CUX2: variants seen among roughly 807,000 people sequenced by gnomAD.
The protein encoded by CUX2 is cut like homeobox 2.
CUX2 carries 40 observed loss-of-function variants against 144.8 expected under a neutral mutation model. That is an observed-to-expected ratio of 0.28 (90% CI 0.21 to 0.36). CUX2 has a LOEUF of 0.36. Among genes scored for constraint, CUX2 ranks in the 10% least tolerant of loss-of-function variants. The pLI, the probability that CUX2 is intolerant of heterozygous loss-of-function variation, is 1.00. For missense variants in CUX2, 1,615 were observed against 1,994.0 expected (o/e 0.81, Z 3.62); for synonymous variants, 827 against 875.6 (o/e 0.94, Z 0.98).
In CUX2 at chr12:111,307,514, A is replaced by AC. The variant is rs1322226906; in HGVS notation, c.1109+261dup. Among the ~76,000 whole-genome samples, 2 of 151,658 alleles carry AC rather than the reference A, an allele frequency of 1.3e-5. No homozygotes were observed. The highest frequency in any genetic ancestry group is 2.9e-5 in the Non-Finnish European group (2 of 67,934). ...GACCAGCCTGGGCAACAATGGGGAG[A>AC]CCCCATCTCTGTGAGAAAAAAACAA... On this transcript the variant is annotated intron_variant, in intron 12 of 21. Transcript: ENST00000261726. The surrounding 1 kb of genome is among the most constrained non-coding windows in gnomAD (Gnocchi z 4.1).
chr12:111,276,766 G>A (rs1884896710), intron 4 of CUX2, among the ~76,000 whole-genome samples: 2 of 152,264 alleles, frequency 1.3e-5, no homozygotes, highest in East Asian at 1.9e-4. Flanking sequence ...TTCTGCCTCA[G>A]CCTCCCGAGT....
rs147021006 is a variant in CUX2 at position 111,251,644 on chromosome 12, G to A, written c.223-12117G>A. Among the ~76,000 whole-genome samples the A allele has an allele frequency of 3.6e-3, 550 of 152,212 alleles. 3 individuals carry two copies. Among genetic ancestry groups the A allele is most frequent in the South Asian group, 0.017 (80 of 4,818 alleles). ...TTGGATCAAAAGTGTTCTTAATGCC[G>A]ACATTTGAAAACACTTTGCTCTGTG... On this transcript the variant is annotated intron_variant, in intron 3 of 21. Transcript: ENST00000261726.
rs1176753212 is a variant in CUX2 at position 111,061,905 on chromosome 12, T to G, written c.63+27665T>G. The stretch of plus-strand genomic sequence containing the variant: ...GTCAGGCACAGTCAAGTTCAAATTC[T>G]GCCCCTGCCAATAAGACTTCAGCGC... On this transcript the variant is annotated intron_variant, in intron 1 of 21. Transcript: ENST00000261726. The surrounding 1 kb of genome is among the most constrained non-coding windows in gnomAD (Gnocchi z 4.2). 1.3e-5 allele frequency among the ~76,000 whole-genome samples: 2 copies of G among 152,226 alleles called. No individual in the cohort carries two copies. The highest frequency in any genetic ancestry group is 2.9e-5 in the Non-Finnish European group (2 of 68,042).
intron 1 of CUX2, among the ~76,000 whole-genome samples, chr12:111,070,550 A>G (rs886123592): frequency 6.6e-6 from 1 of 151,814 alleles, no homozygotes; most frequent in Non-Finnish European, 1.5e-5. Flanking sequence ...AGCCTCCCCC[A>G]TTATCAGCAT....
chr12:111,235,864 C>T (rs1477321242), intron 3 of CUX2, among the ~76,000 whole-genome samples: 3 of 152,068 alleles, frequency 2.0e-5, no homozygotes, highest in Admixed American at 6.6e-5. Context: ...GGGTCTGGGG[C>T]TCAGGTTTTG....
At chr12:111,316,672 A>C (rs1887212317) in intron 16 of CUX2, among the ~76,000 whole-genome samples, 1 of 151,260 alleles carries the variant, frequency 6.6e-6, no homozygotes, top group Admixed American at 6.6e-5. Context: ...CTGGTTTCAA[A>C]TTCCTGAGGT....
intron 1 of CUX2, among the ~76,000 whole-genome samples, chr12:111,122,787 T>C (rs1874770866): frequency 6.6e-6 from 1 of 152,144 alleles, no homozygotes; most frequent in Non-Finnish European, 1.5e-5. Context: ...GCTGCAGATA[T>C]TTGATATGGG....
At chr12:111,297,637 C>CT (rs1352833611) in intron 8 of CUX2, among the ~76,000 whole-genome samples, 2 of 152,234 alleles carry the variant, frequency 1.3e-5, no homozygotes, top group African/African-American at 4.8e-5. Context: ...TTTCTTTAGG[C>CT]TTTAAGAAAT....
At chr12:111,286,272 C>G (rs1399636147) in intron 4 of CUX2, among the ~76,000 whole-genome samples, 2 of 152,230 alleles carry the variant, frequency 1.3e-5, no homozygotes, top group Admixed American at 6.5e-5. Context: ...CAGTTCTCTG[C>G]ACACCTTCTC....
chr12:111,058,259 T>C (rs1870614958), intron 1 of CUX2, among the ~76,000 whole-genome samples: 1 of 152,220 alleles, frequency 6.6e-6, no homozygotes. Context: ...AATTGCCCTG[T>C]AGGGATTGGC....
At chr12:111,274,570 C>T (rs542965041) in intron 4 of CUX2, among the ~76,000 whole-genome samples, 3 of 152,188 alleles carry the variant, frequency 2.0e-5, no homozygotes, top group Admixed American at 6.5e-5. Flanking sequence ...AGGAACCCCC[C>T]GCCAGCCCCA....
In CUX2 at chr12:111,293,269, GAAATGAC is replaced by G. The variant is rs1885791017; in HGVS notation, c.437-176_437-170del. On this transcript the variant is annotated intron_variant, in intron 5 of 21. Coordinates refer to ENST00000261726, the MANE Select transcript of CUX2 (RefSeq NM_015267.4). This position sits in a 1 kb window ranked among gnomAD's most constrained non-coding sequence, Gnocchi z 4.5. ...GTGTGCTGACGCTGGTGCCACAGTGGAAATGACCTGTGTGCTGAGGACATGCGGCCCG... is the reference window on the plus strand; with the variant it reads ...GTGTGCTGACGCTGGTGCCACAGTGGCTGTGTGCTGAGGACATGCGGCCCG... Among the ~76,000 whole-genome samples the G allele has an allele frequency of 6.6e-6, 1 of 152,282 alleles. No homozygotes were observed. Among genetic ancestry groups the G allele is most frequent in the African/African-American group, 2.4e-5 (1 of 41,478 alleles).
At position 111,341,809 on chromosome 12, in the gene CUX2, A is replaced by G. The variant is rs765127584; in HGVS notation, c.3415A>G (p.Ser1139Gly). The G allele has an allele frequency of 6.2e-7, 1 of 1,609,924 alleles. No individual in the cohort carries two copies. The highest frequency in any genetic ancestry group is 1.1e-5 in the South Asian group (1 of 90,874). The change falls in exon 21 of 22, where the codon AGC (serine) becomes GGC (glycine). Residue 1139 changes from serine (S) to glycine (G), a missense_variant. Around this residue, in one of 12 missense-constraint regions of CUX2, gnomAD observed 131 missense variants for 223.1 expected, o/e 0.59. Coordinates refer to ENST00000261726, the MANE Select transcript of CUX2 (RefSeq NM_015267.4). ...CCTGAAACGTCGCTATGGCCTCATC[A>G]GCACCGGCTCAGACAGTGAGTCCCC... ...AYLKRRYGLI[S>G]TGSDSESPAT...
chr12:111,318,158 C>T (rs1213754279), intron 16 of CUX2, among the ~76,000 whole-genome samples: 1 of 151,568 alleles, frequency 6.6e-6, no homozygotes, highest in African/African-American at 2.4e-5. Flanking sequence ...ACTGCCACCT[C>T]GACCTCCCAG....
At chr12:111,227,101 C>T (rs1480919948) in intron 3 of CUX2, among the ~76,000 whole-genome samples, 1 of 152,154 alleles carries the variant, frequency 6.6e-6, no homozygotes, top group East Asian at 1.9e-4. Flanking sequence ...TGCAGTCCTG[C>T]ATTTATCTGG....
rs959366849 is a variant in CUX2 at position 111,171,567 on chromosome 12, T to C, written c.64-42633T>C. ...CGCAGATGGCTAGTGGCTCAGTGGG[T>C]CTCCGGAGCACAGCCACCTGACACA... On this transcript the variant is annotated intron_variant, in intron 1 of 21. Transcript: ENST00000261726. This position sits in a 1 kb window ranked among gnomAD's most constrained non-coding sequence, Gnocchi z 5.0. Among the ~76,000 whole-genome samples, 7 of 151,808 alleles carry C rather than the reference T, an allele frequency of 4.6e-5. No homozygotes were observed. Among genetic ancestry groups the C allele is most frequent in the African/African-American group, 1.7e-4 (7 of 41,300 alleles).
Position 111,157,225 on chromosome 12 carries a change from G to A in CUX2, c.64-56975G>A, listed in dbSNP as rs951233941. On this transcript the variant is annotated intron_variant, in intron 1 of 21. Coordinates refer to ENST00000261726, the MANE Select transcript of CUX2 (RefSeq NM_015267.4). ...CACTGGCAGCTTCCTGGAGCTCTGC[G>A]TTGACAAGGATTCTTAGACTGCATT... Among the ~76,000 whole-genome samples the A allele has an allele frequency of 6.1e-5, 9 of 148,256 alleles. No homozygotes were observed. The South Asian group carries it at 6.6e-4, about 11-fold the overall frequency.
chr12:111,045,491 G>A (rs894545321), intron 1 of CUX2, among the ~76,000 whole-genome samples: 5 of 152,210 alleles, frequency 3.3e-5, no homozygotes, highest in African/African-American at 7.2e-5. Flanking sequence ...TTCAAGGATC[G>A]TGAGAAGTAG....
intron 18 of CUX2, among the ~76,000 whole-genome samples, chr12:111,330,667 C>G (rs1321730754): frequency 9.8e-6 from 1 of 102,558 alleles, no homozygotes; most frequent in Non-Finnish European, 2.0e-5. Context: ...AACCCTATCT[C>G]TATTTAAAAA....
Sources: allele counts gnomAD v4.1 joint callset (sites outside exome capture counted in the v4.1 genomes callset), GRCh38; gene constraint gnomAD v4.1.1; regional missense constraint gnomAD v4.1.1; non-coding constraint Gnocchi (gnomAD v3.1); transcripts MANE v1.5; gene names NCBI Gene and HGNC (gene_info 2026-07-23, HGNC 2026-07-21).